CDH23: variants seen among roughly 807,000 people sequenced by gnomAD.
CDH23 encodes cadherin-23.
CDH23 carries 189 observed loss-of-function variants against 317.1 expected under a neutral mutation model. That is an observed-to-expected ratio of 0.60 (90% CI 0.53 to 0.67). The LOEUF is 0.67. Among genes scored for constraint, CDH23 ranks in the 30% least tolerant of loss-of-function variants. The pLI, the probability that CDH23 is intolerant of heterozygous loss-of-function variation, is 0.00. For missense variants in CDH23, 4,401 were observed against 4,592.4 expected (o/e 0.96, Z 1.20); for synonymous variants, 1,839 against 1,876.8 (o/e 0.98, Z 0.52).
At chr10:71,457,015 C>T (rs1427627900) in intron 3 of CDH23, among the ~76,000 whole-genome samples, 1 of 152,224 alleles carries the variant, frequency 6.6e-6, no homozygotes, top group East Asian at 1.9e-4. Context: ...ATGACCACCT[C>T]ACACCAGGCA....
At chr10:71,587,657 C>A (rs74147365) in intron 9 of CDH23, among the ~76,000 whole-genome samples, 155 of 152,280 alleles carry the variant, frequency 1.0e-3, no homozygotes, top group African/African-American at 3.6e-3. Context: ...AGGTTATGGG[C>A]ATGGGAGGAG....
rs192753554 is a variant in CDH23, at chr10:71,529,047, C to T, written c.429+17835C>T. On this transcript the variant is annotated intron_variant, in intron 6 of 69. Coordinates refer to ENST00000224721, the MANE Select transcript of CDH23 (RefSeq NM_022124.6). ...GTCTCTCTTCCCCCATGTTCTACTC[C>T]ACCTCTGCCACTATTTGGACAACCC... is the stretch of plus-strand genomic sequence containing the variant. 1.7e-4 allele frequency among the ~76,000 whole-genome samples: 26 copies of T among 152,334 alleles called. 1 individual carries two copies. Among genetic ancestry groups the T allele is most frequent in the African/African-American group, 6.0e-4 (25 of 41,592 alleles).
At chr10:71,441,286 T>G (rs1253584149) in intron 2 of CDH23, among the ~76,000 whole-genome samples, 1 of 151,938 alleles carries the variant, frequency 6.6e-6, no homozygotes, top group Non-Finnish European at 1.5e-5. Context: ...CAATCGGGGC[T>G]CCTGAGAGCA....
chr10:71,457,000 G>A (rs1850728047), intron 3 of CDH23, among the ~76,000 whole-genome samples: 1 of 152,174 alleles, frequency 6.6e-6, no homozygotes, highest in African/African-American at 2.4e-5. Flanking sequence ...GAGAACCAAT[G>A]GTAAATGACC....
intron 7 of CDH23, among the ~76,000 whole-genome samples, chr10:71,568,980 G>C (rs887934212): frequency 6.6e-6 from 1 of 152,224 alleles, no homozygotes; most frequent in Non-Finnish European, 1.5e-5. Context: ...CAAAAGCCTG[G>C]TTATGGCAAA....
chr10:71,416,071 A>G (rs552238409), intron 1 of CDH23, among the ~76,000 whole-genome samples: 1 of 152,206 alleles, frequency 6.6e-6, no homozygotes, highest in Admixed American at 6.5e-5. Context: ...TTCTATGGTT[A>G]TTGAGTGCAG....
At chr10:71,485,354 C>A (rs1245414472) in intron 3 of CDH23, among the ~76,000 whole-genome samples, 1 of 152,140 alleles carries the variant, frequency 6.6e-6, no homozygotes, top group African/African-American at 2.4e-5. Flanking sequence ...AAAAAGTGGT[C>A]TGAAAGTTGG....
At chr10:71,760,858 G>T (rs1840362665) in intron 38 of CDH23, 1 of 1,610,912 alleles carries the variant, frequency 6.2e-7, no homozygotes, top group Non-Finnish European at 8.5e-7. Flanking sequence ...GCAAGAGGTT[G>T]GTCCCTTACT....
chr10:71,716,098 C>G, intron 28 of CDH23: 2 of 1,537,558 alleles, frequency 1.3e-6, no homozygotes, highest in East Asian at 2.5e-5. Context: ...CACTGGGGCT[C>G]CCAGGGTGGT....
rs1234519302 is a variant in CDH23, at chr10:71,705,081, T to C, written c.2904T>C (p.Ser968=). The C allele has an allele frequency of 6.2e-7, 1 of 1,611,994 alleles. No homozygotes were observed. Among genetic ancestry groups the C allele is most frequent in the East Asian group, 2.2e-5 (1 of 44,852 alleles). Residue 968 remains serine (S), a synonymous_variant, in exon 25 of 70, where the codon AGT becomes AGC. Transcript: ENST00000224721. ...IAEYQLRVVA[S]DAGTPTKSST... ...AGTACCAGCTGCGGGTGGTGGCCAG[T>C]GATGCAGGCACGCCCACCAAGAGCT...
intron 3 of CDH23, among the ~76,000 whole-genome samples, chr10:71,497,960 C>T (rs1388611187): frequency 6.6e-6 from 1 of 152,178 alleles, no homozygotes; most frequent in Non-Finnish European, 1.5e-5. Flanking sequence ...TTCCTACTGA[C>T]CTCAGATGCA....
At chr10:71,637,476 A>G (rs182894657) in intron 11 of CDH23, among the ~76,000 whole-genome samples, 54 of 152,314 alleles carry the variant, frequency 3.5e-4, no homozygotes, top group Non-Finnish European at 7.1e-4. Context: ...GCCCTATCAA[A>G]TAGGCTGCAT....
At chr10:71,502,553 C>A (rs1853395995) in intron 3 of CDH23, among the ~76,000 whole-genome samples, 1 of 152,180 alleles carries the variant, frequency 6.6e-6, no homozygotes, top group African/African-American at 2.4e-5. Context: ...TGGCCTCTTG[C>A]CTGCTGTGCA....
intron 1 of CDH23, among the ~76,000 whole-genome samples, chr10:71,398,617 C>T (rs1177599898): frequency 2.6e-5 from 4 of 151,984 alleles, no homozygotes; most frequent in African/African-American, 9.7e-5. Flanking sequence ...GGAGTTAGTG[C>T]TTGGTTCGTG....
chr10:71,650,681 G>A (rs976558366), intron 14 of CDH23, among the ~76,000 whole-genome samples: 2 of 152,232 alleles, frequency 1.3e-5, no homozygotes, highest in African/African-American at 4.8e-5. Flanking sequence ...CCGATGCATG[G>A]ATGATGCTGG....
chr10:71,605,782 G>A (rs1860495488), intron 9 of CDH23, among the ~76,000 whole-genome samples: 1 of 152,124 alleles, frequency 6.6e-6, no homozygotes, highest in Admixed American at 6.5e-5. Context: ...TGGACATCTA[G>A]GTTACCTCCA....
chr10:71,670,560 G>T (rs1382113208), intron 14 of CDH23, among the ~76,000 whole-genome samples: 1 of 152,154 alleles, frequency 6.6e-6, no homozygotes, highest in African/African-American at 2.4e-5. Flanking sequence ...GGCCTGGGGG[G>T]TGGATCAGAG....
intron 6 of CDH23, among the ~76,000 whole-genome samples, chr10:71,553,792 G>T (rs949381127): frequency 1.3e-5 from 2 of 152,252 alleles, no homozygotes; most frequent in Non-Finnish European, 2.9e-5. Flanking sequence ...CCCCATTTGT[G>T]AGCAATAGAT....
intron 3 of CDH23, among the ~76,000 whole-genome samples, chr10:71,472,822 A>G (rs1014295139): frequency 2.0e-5 from 3 of 152,244 alleles, no homozygotes; most frequent in Non-Finnish European, 2.9e-5. Context: ...GTGTGGTCCC[A>G]GGTGGTGGGA....
Sources: allele counts gnomAD v4.1 joint callset (sites outside exome capture counted in the v4.1 genomes callset), GRCh38; gene constraint gnomAD v4.1.1; transcripts MANE v1.5; gene names NCBI Gene and HGNC (gene_info 2026-07-23, HGNC 2026-07-21).